The following RPS6KC1 variants were observed in gnomAD, a reference collection of about 807,000 sequenced individuals.
RPS6KC1 encodes the protein ribosomal protein S6 kinase C1, also known as inactive ribosomal protein S6 kinase delta-1.
A neutral mutation model predicts 103.8 loss-of-function variants in RPS6KC1; 54 were observed. That is an observed-to-expected ratio of 0.52 (90% CI 0.42 to 0.65). RPS6KC1 has a LOEUF of 0.65. Ranked by LOEUF, RPS6KC1 falls within the 30% of genes least tolerant of loss-of-function variation. The pLI is 0.00. For synonymous variants in RPS6KC1, 439 were observed against 438.7 expected (o/e 1.00, Z -0.01); for missense variants, 1,151 against 1,253.8 (o/e 0.92, Z 1.24).
At chr1:213,290,093 C>T in the RPS6KC1 span, among the ~76,000 whole-genome samples, 3 of 131,292 alleles carry the variant, frequency 2.3e-5, no homozygotes, top group Non-Finnish European at 4.6e-5. Context: ...TGCAGTGAGC[C>T]GAGATTGCGC....
At chr1:213,311,360 G>T in the RPS6KC1 span, among the ~76,000 whole-genome samples, 198 of 152,122 alleles carry the variant, frequency 1.3e-3, 1 homozygote, top group African/African-American at 4.7e-3. Flanking sequence ...GGATGGTCTC[G>T]GTCTCCTGAC....
the RPS6KC1 span, among the ~76,000 whole-genome samples, chr1:213,572,831 A>G: frequency 3.3e-5 from 5 of 152,200 alleles, no homozygotes; most frequent in Non-Finnish European, 7.3e-5. Context: ...CCGCACTAGG[A>G]AGTGTAGCAA....
chr1:213,711,974 G>T, the RPS6KC1 span, among the ~76,000 whole-genome samples: 1 of 152,214 alleles, frequency 6.6e-6, no homozygotes, highest in South Asian at 2.1e-4. Flanking sequence ...GTGTCTCCCT[G>T]TCAGGAGGCA....
the RPS6KC1 span, among the ~76,000 whole-genome samples, chr1:213,826,251 A>T: frequency 1.3e-5 from 2 of 152,200 alleles, no homozygotes; most frequent in Non-Finnish European, 2.9e-5. Context: ...GTTCATTTCA[A>T]TGTTGACAAG....
chr1:213,071,930 C>T (rs568306225), intron 2 of RPS6KC1, among the ~76,000 whole-genome samples: 1 of 151,078 alleles, frequency 6.6e-6, no homozygotes, highest in African/African-American at 2.4e-5. Flanking sequence ...TTGTGGAATT[C>T]TCTATTTGTA....
At chr1:213,180,274 C>CA (rs2092183834) in intron 8 of RPS6KC1, among the ~76,000 whole-genome samples, 1 of 152,038 alleles carries the variant, frequency 6.6e-6, no homozygotes, top group South Asian at 2.1e-4. Flanking sequence ...GTCAGAACAA[C>CA]AAGTGCAAAC....
At chr1:213,170,795 T>C (rs2091416622) in intron 7 of RPS6KC1, among the ~76,000 whole-genome samples, 1 of 152,252 alleles carries the variant, frequency 6.6e-6, no homozygotes, top group Non-Finnish European at 1.5e-5. Context: ...AAGTTAAAAG[T>C]CTTCCAGAGG....
At chr1:213,561,431 A>G in the RPS6KC1 span, among the ~76,000 whole-genome samples, 386 of 152,310 alleles carry the variant, frequency 2.5e-3, 2 homozygotes, top group African/African-American at 8.9e-3. Context: ...CTGAAGTCAT[A>G]TTTACCAAAA....
At chr1:213,417,054 T>G in the RPS6KC1 span, among the ~76,000 whole-genome samples, 2 of 152,160 alleles carry the variant, frequency 1.3e-5, no homozygotes, top group Admixed American at 1.3e-4. Flanking sequence ...GGAACAGATA[T>G]GTGATGTGGC....
At chr1:213,401,394 A>AG in the RPS6KC1 span, among the ~76,000 whole-genome samples, 1 of 152,186 alleles carries the variant, frequency 6.6e-6, no homozygotes, top group Non-Finnish European at 1.5e-5. Context: ...CACAATGACC[A>AG]GGGCTCTTTC....
the RPS6KC1 span, among the ~76,000 whole-genome samples, chr1:213,620,517 C>A: frequency 6.6e-6 from 1 of 152,192 alleles, no homozygotes; most frequent in African/African-American, 2.4e-5. Flanking sequence ...CCAGAACTAG[C>A]AAATTTCACT....
chr1:213,761,534 A>G, the RPS6KC1 span, among the ~76,000 whole-genome samples: 1 of 152,190 alleles, frequency 6.6e-6, no homozygotes, highest in Admixed American at 6.5e-5. Flanking sequence ...TGTCCTGTTG[A>G]CATTGTATCT....
the RPS6KC1 span, among the ~76,000 whole-genome samples, chr1:213,862,407 G>T: frequency 5.7e-3 from 861 of 152,302 alleles, 6 homozygotes; most frequent in African/African-American, 0.02. Context: ...GGGCCAGAGT[G>T]CATGCCAGCT....
intron 5 of RPS6KC1, among the ~76,000 whole-genome samples, chr1:213,122,643 T>C (rs771925709): frequency 7.9e-5 from 12 of 152,158 alleles, no homozygotes; most frequent in Non-Finnish European, 1.6e-4. Flanking sequence ...TAAAATTAAG[T>C]GCAAATGTCC....
the RPS6KC1 span, among the ~76,000 whole-genome samples, chr1:213,703,846 A>G: frequency 6.6e-6 from 1 of 152,094 alleles, no homozygotes; most frequent in Non-Finnish European, 1.5e-5. Flanking sequence ...ACCTTCTTGT[A>G]CTTGGATATT....
At chr1:213,727,903 T>G in the RPS6KC1 span, among the ~76,000 whole-genome samples, 1 of 152,100 alleles carries the variant, frequency 6.6e-6, no homozygotes, top group Non-Finnish European at 1.5e-5. Flanking sequence ...AGGAGAGCAA[T>G]AATTGTTTTC....
At chr1:213,407,273 G>A in the RPS6KC1 span, among the ~76,000 whole-genome samples, 41 of 152,266 alleles carry the variant, frequency 2.7e-4, no homozygotes, top group African/African-American at 7.5e-4. Flanking sequence ...GTGCACAAGC[G>A]AGAGAGGGCA....
At chr1:213,122,786 C>T (rs2084542279) in intron 5 of RPS6KC1, among the ~76,000 whole-genome samples, 1 of 151,758 alleles carries the variant, frequency 6.6e-6, no homozygotes, top group Admixed American at 6.6e-5. Flanking sequence ...GCTTATTTAC[C>T]CAACTTATTT....
chr1:213,226,427 A>T (rs2093964532), intron 8 of RPS6KC1, among the ~76,000 whole-genome samples: 1 of 152,200 alleles, frequency 6.6e-6, no homozygotes, highest in Non-Finnish European at 1.5e-5. Context: ...TTGGAGGCTC[A>T]AGATTTGTGT....
Sources: gnomAD v4.1 joint callset for allele counts (sites outside exome capture counted in the v4.1 genomes callset) on GRCh38, gnomAD v4.1.1 for gene constraint, MANE v1.5 for transcripts, NCBI Gene and HGNC (gene_info 2026-07-23, HGNC 2026-07-21) for gene names.